Variants in FGFR2 observed in about 807,000 individuals in gnomAD.
The protein encoded by FGFR2 is BEK fibroblast growth factor receptor.
Under a neutral mutation model 95.9 loss-of-function variants are expected in FGFR2, and 19 were observed. The observed-to-expected ratio is 0.20, with a 90% CI of 0.14 to 0.29. The LOEUF (loss-of-function observed/expected upper bound fraction) is 0.29, where lower values mean the gene tolerates loss of function less well. Among genes scored for constraint, FGFR2 ranks in the 10% least tolerant of loss-of-function variants. The pLI, the probability that FGFR2 is intolerant of heterozygous loss-of-function variation, is 1.00. For synonymous variants in FGFR2, 392 were observed against 393.3 expected (o/e 1.00, Z 0.04); for missense variants, 707 against 1,056.9 (o/e 0.67, Z 4.59).
At chr10:121,562,341 G>A (rs1248002521) in intron 4 of FGFR2, among the ~76,000 whole-genome samples, 3 of 151,576 alleles carry the variant, frequency 2.0e-5, no homozygotes, top group Non-Finnish European at 4.4e-5. Context: ...AGGGAGTGCA[G>A]TGGTGTGATC....
intron 14 of FGFR2, 27 bp from the exon 15 acceptor site, chr10:121,487,451 A>C (rs922018180): frequency 1.3e-6 from 2 of 1,589,436 alleles, no homozygotes; most frequent in Non-Finnish European, 1.7e-6. Flanking sequence ...AAATGCAAAA[A>C]CTAAATATAT....
intron 9 of FGFR2, among the ~76,000 whole-genome samples, chr10:121,509,667 G>GA (rs1848801945): frequency 6.6e-6 from 1 of 151,510 alleles, no homozygotes; most frequent in African/African-American, 2.4e-5. Flanking sequence ...ATTTTTAGTA[G>GA]ACACATGGTT....
At chr10:121,597,245 T>G (rs1863562837) in intron 1 of FGFR2, among the ~76,000 whole-genome samples, 5 of 152,134 alleles carry the variant, frequency 3.3e-5, no homozygotes, top group Admixed American at 3.3e-4. Context: ...CGCGGCCCCG[T>G]GGCCGAAAAA....
chr10:121,558,750 C>T (rs532794363), intron 4 of FGFR2, among the ~76,000 whole-genome samples: 4 of 152,018 alleles, frequency 2.6e-5, no homozygotes, highest in Middle Eastern at 6.8e-3. Flanking sequence ...CCACCAAGCC[C>T]GGCTAATTTT....
At chr10:121,575,259 A>C (rs960254379) in intron 2 of FGFR2, among the ~76,000 whole-genome samples, 4 of 152,186 alleles carry the variant, frequency 2.6e-5, no homozygotes, top group African/African-American at 9.7e-5. Flanking sequence ...AGAGCCTAAG[A>C]ATGCACTTAC....
chr10:121,506,600 C>T (rs767302232), intron 9 of FGFR2, among the ~76,000 whole-genome samples: 6 of 152,096 alleles, frequency 3.9e-5, no homozygotes, highest in Admixed American at 3.3e-4. Context: ...CCAGCAGAGG[C>T]AGAGGCATGG....
chr10:121,598,035 A>G lies in FGFR2; in HGVS notation c.-224T>C, dbSNP rs1033643017. 35 of 397,512 alleles carry G rather than the reference A, an allele frequency of 8.8e-5. No homozygotes were observed. Among genetic ancestry groups the G allele is most frequent in the African/African-American group, 6.8e-4 (33 of 48,702 alleles). 24.6% of individuals were successfully genotyped at this position (397,512 alleles called of 1,614,324 possible). ...GTGGGTCGGGATGGAGAAAGCGACG[A>G]GCCCGGGGTTGCGGGGAGCAACTCC... On this transcript the variant is annotated 5_prime_UTR_variant, in exon 1 of 18. Coordinates refer to ENST00000358487, the MANE Select transcript of FGFR2 (RefSeq NM_000141.5).
intron 2 of FGFR2, among the ~76,000 whole-genome samples, chr10:121,587,076 C>T (rs1770488605): frequency 6.6e-6 from 1 of 152,088 alleles, no homozygotes. Context: ...GAATAGAGAG[C>T]CCAGAAATAA....
intron 6 of FGFR2, among the ~76,000 whole-genome samples, chr10:121,528,310 T>C (rs1293285531): frequency 2.0e-5 from 3 of 152,194 alleles, no homozygotes; most frequent in African/African-American, 7.2e-5. Flanking sequence ...TGTAGGGTTT[T>C]TTTTACTGGA....
intron 17 of FGFR2, among the ~76,000 whole-genome samples, chr10:121,482,988 G>C (rs1301125166): frequency 1.3e-5 from 2 of 152,070 alleles, no homozygotes; most frequent in Non-Finnish European, 2.9e-5. Context: ...GTAGAGACAG[G>C]GTTTCGCCAT....
intron 2 of FGFR2, among the ~76,000 whole-genome samples, chr10:121,575,392 C>T (rs1859558263): frequency 6.6e-6 from 1 of 151,882 alleles, no homozygotes; most frequent in African/African-American, 2.4e-5. Context: ...CAGTGTTCTC[C>T]AAAAAAAGAT....
chr10:121,519,468 G>A (rs1266363958), intron 7 of FGFR2, among the ~76,000 whole-genome samples: 5 of 151,886 alleles, frequency 3.3e-5, no homozygotes, highest in Non-Finnish European at 5.9e-5. Context: ...GTTTTGTTTT[G>A]TTTTGTTTTT....
chr10:121,577,847 G>T (rs1359794710), intron 2 of FGFR2, among the ~76,000 whole-genome samples: 1 of 152,018 alleles, frequency 6.6e-6, no homozygotes, highest in African/African-American at 2.4e-5. Flanking sequence ...AAACAAGCAA[G>T]TGACCTTCAA....
rs41301043 is a variant in FGFR2, at chr10:121,598,269, G to C, written c.-458C>G. 2.6e-6 allele frequency: 1 copy of C among 388,696 alleles called. No homozygotes were observed. The allele number at this position is 388,696 out of a possible 1,614,324, so 24.1% of individuals were successfully genotyped here. On this transcript the variant is annotated 5_prime_UTR_variant, in exon 1 of 18. Transcript: ENST00000358487. The stretch of plus-strand genomic sequence containing the variant: ...GGCTCAGAGCGCGCAGGCAAGCTGC[G>C]GCCTCGGGGCCCCCGGGGCTCGCGG...
At chr10:121,569,144 G>A (rs754026445) in intron 2 of FGFR2, among the ~76,000 whole-genome samples, 11 of 151,984 alleles carry the variant, frequency 7.2e-5, no homozygotes, top group South Asian at 2.1e-4. Flanking sequence ...GATGCTTGCC[G>A]TGATTTTTTA....
At chr10:121,487,548 G>T in intron 14 of FGFR2, 124 bp from the exon 15 acceptor site, 1 of 771,450 alleles carries the variant, frequency 1.3e-6, no homozygotes, top group East Asian at 2.7e-5. Context: ...AGTCAATAGA[G>T]CAGAAATCAG....
intron 6 of FGFR2, among the ~76,000 whole-genome samples, chr10:121,522,547 C>A (rs1850706152): frequency 6.6e-6 from 1 of 152,080 alleles, no homozygotes; most frequent in Non-Finnish European, 1.5e-5. Flanking sequence ...CAGAGTGAGA[C>A]CCCGTCTTAG....
chr10:121,533,429 G>C (rs1037824716), intron 6 of FGFR2, among the ~76,000 whole-genome samples: 2 of 152,158 alleles, frequency 1.3e-5, no homozygotes, highest in Admixed American at 6.5e-5. Context: ...ATCTGGCCTT[G>C]ACAAAACCAG....
Position 121,531,257 on chromosome 10 carries a change from A to C in FGFR2, c.748+7335T>G, listed in dbSNP as rs1007783165. On this transcript the variant is annotated intron_variant, in intron 6 of 17. Coordinates refer to ENST00000358487, the MANE Select transcript of FGFR2 (RefSeq NM_000141.5). The surrounding 1 kb of genome is among the most constrained non-coding windows in gnomAD (Gnocchi z 4.5). The stretch of plus-strand genomic sequence containing the variant: ...CCCACCCCAGGGAGCTGGCACCCGC[A>C]GAATACCACCTGCTCCCAAAGGCTT... 8 of 152,156 alleles carry C rather than the reference A, an allele frequency of 5.3e-5. No homozygotes were observed. The highest frequency in any genetic ancestry group is 3.9e-4 in the Admixed American group (6 of 15,284). 9.4% of individuals were successfully genotyped at this position (152,156 alleles called of 1,614,324 possible).
Sources: allele counts gnomAD v4.1 joint callset (sites outside exome capture counted in the v4.1 genomes callset), GRCh38; gene constraint gnomAD v4.1.1; non-coding constraint Gnocchi (gnomAD v3.1); transcripts MANE v1.5; gene names NCBI Gene and HGNC (gene_info 2026-07-23, HGNC 2026-07-21).